RGS18: variants seen among roughly 807,000 people sequenced by gnomAD.
The protein encoded by RGS18 is regulator of G-protein signaling 18.
RGS18 carries 22 observed loss-of-function variants against 27.6 expected under a neutral mutation model. The observed-to-expected ratio is 0.80, with a 90% CI of 0.57 to 1.14. The LOEUF is 1.14. Ranked by LOEUF, RGS18 falls within the 50% of genes most tolerant of loss-of-function variation. RGS18 has a pLI of 0.00. For missense variants in RGS18, 299 were observed against 269.6 expected (o/e 1.11, Z -0.76); for synonymous variants, 89 against 84.6 (o/e 1.05, Z -0.29).
At chr1:192,169,129 T>C (rs918002898) in intron 3 of RGS18, 4 of 152,224 alleles carry the variant, frequency 2.6e-5, no homozygotes, top group Admixed American at 6.5e-5. Context: ...ATTTCAGCTA[T>C]CTGGCTTCTG....
At chr1:192,175,786 G>T (rs1656348425) in intron 3 of RGS18, among the ~76,000 whole-genome samples, 5 of 151,810 alleles carry the variant, frequency 3.3e-5, no homozygotes, top group Admixed American at 3.3e-4. Flanking sequence ...CTCTGCACTG[G>T]TTACCAATTA....
At chr1:192,176,069 T>TAAAAAA (rs1656353067) in intron 3 of RGS18, among the ~76,000 whole-genome samples, 1 of 151,772 alleles carries the variant, frequency 6.6e-6, no homozygotes, top group Non-Finnish European at 1.5e-5. Context: ...GGAATACAGG[T>TAAAAAA]ATCCCTGGGC....
Position 192,183,174 on chromosome 1 carries a change from A to T in RGS18, c.451-1123A>T, listed in dbSNP as rs546736878. 2.0e-5 allele frequency among the ~76,000 whole-genome samples: 3 copies of T among 151,724 alleles called. No individual in the cohort carries two copies. The South Asian group carries it at 6.2e-4, about 31-fold the overall frequency. On this transcript the variant is annotated intron_variant, in intron 4 of 4. Transcript: ENST00000367460. ...TACATAGTTTTTTTTATAAAAAGGC[A>T]GCTAGTTGTATTGTGTTATGGACAA...
chr1:192,172,278 T>C (rs970078339), intron 3 of RGS18, among the ~76,000 whole-genome samples: 1 of 151,910 alleles, frequency 6.6e-6, no homozygotes, highest in East Asian at 1.9e-4. Flanking sequence ...AATAGTGAGT[T>C]TTCACTCTTG....
chr1:192,181,187 G>A, intron 3 of RGS18, 105 bp from the exon 4 acceptor site: 1 of 610,860 alleles, frequency 1.6e-6, no homozygotes, highest in Non-Finnish European at 2.7e-6. Flanking sequence ...TTAGAGGGAA[G>A]ATGTAGGTTT....
chr1:192,169,066 G>A (rs1410452380), intron 3 of RGS18: 2 of 152,080 alleles, frequency 1.3e-5, no homozygotes. Flanking sequence ...TTCAGACTAA[G>A]TTATTTTTAA....
chr1:192,181,589 A>G, intron 4 of RGS18, 131 bp downstream of exon 4: 1 of 587,538 alleles, frequency 1.7e-6, no homozygotes, highest in Non-Finnish European at 2.8e-6. Flanking sequence ...TGTAATAATT[A>G]CACATGTTAA....
At chr1:192,159,617 G>A (rs1212215632) in intron 2 of RGS18, among the ~76,000 whole-genome samples, 1 of 152,052 alleles carries the variant, frequency 6.6e-6, no homozygotes, top group Admixed American at 6.6e-5. Context: ...ATTAATTTAA[G>A]AGTTTTCACA....
chr1:192,179,822 G>A (rs992589930), intron 3 of RGS18, among the ~76,000 whole-genome samples: 1 of 151,530 alleles, frequency 6.6e-6, no homozygotes, highest in African/African-American at 2.4e-5. Context: ...GTGGGGAGAT[G>A]TAAATGTGGC....
chr1:192,177,796 C>T (rs1035756236), intron 3 of RGS18, among the ~76,000 whole-genome samples: 12 of 151,618 alleles, frequency 7.9e-5, no homozygotes, highest in Non-Finnish European at 1.5e-4. Flanking sequence ...ACATGGCACA[C>T]GAATGGAACT....
intron 3 of RGS18, chr1:192,163,298 A>G (rs1286345583): frequency 6.6e-6 from 1 of 152,184 alleles, no homozygotes; most frequent in East Asian, 1.9e-4. Context: ...CAACTGGATG[A>G]TGATCAATTA....
intron 3 of RGS18, among the ~76,000 whole-genome samples, chr1:192,161,758 A>T (rs1206202646): frequency 6.6e-6 from 1 of 152,200 alleles, no homozygotes; most frequent in African/African-American, 2.4e-5. Flanking sequence ...GGAAGAAAGG[A>T]TTCCTGTTGC....
At chr1:192,181,921 T>C (rs1405918252) in intron 4 of RGS18, among the ~76,000 whole-genome samples, 1 of 151,670 alleles carries the variant, frequency 6.6e-6, no homozygotes, top group Admixed American at 6.6e-5. Flanking sequence ...CTTTATTAGA[T>C]TCCACATACA....
chr1:192,160,560 C>A, intron 3 of RGS18, 121 bp downstream of exon 3: 2 of 613,352 alleles, frequency 3.3e-6, no homozygotes, highest in Non-Finnish European at 5.9e-6. Context: ...TTCAGTAATT[C>A]AATTTTCTGA....
At chr1:192,180,183 G>T (rs1445880421) in intron 3 of RGS18, among the ~76,000 whole-genome samples, 2 of 151,582 alleles carry the variant, frequency 1.3e-5, no homozygotes, top group Admixed American at 1.3e-4. Flanking sequence ...TGTCATCTTA[G>T]TGAGCCTTAA....
At chr1:192,164,626 G>A (rs1256834131) in intron 3 of RGS18, among the ~76,000 whole-genome samples, 1 of 152,004 alleles carries the variant, frequency 6.6e-6, no homozygotes, top group Non-Finnish European at 1.5e-5. Flanking sequence ...ATTGAATCGG[G>A]GGCATATTAC....
intron 3 of RGS18, among the ~76,000 whole-genome samples, chr1:192,175,871 T>C (rs944353407): frequency 6.6e-6 from 1 of 151,884 alleles, no homozygotes; most frequent in Non-Finnish European, 1.5e-5. Context: ...TACAACTAGT[T>C]AAGCAAAGCA....
chr1:192,167,258 C>G (rs1656177697), intron 3 of RGS18, among the ~76,000 whole-genome samples: 1 of 152,168 alleles, frequency 6.6e-6, no homozygotes, highest in East Asian at 1.9e-4. Context: ...GCATACTTCA[C>G]TTTTGGGGGA....
intron 3 of RGS18, among the ~76,000 whole-genome samples, chr1:192,177,477 C>T (rs1419159157): frequency 6.6e-6 from 1 of 151,224 alleles, no homozygotes; most frequent in Non-Finnish European, 1.5e-5. Context: ...ATGTTGGGTA[C>T]TGGAAATTTG....
Sources: allele counts gnomAD v4.1 joint callset (sites outside exome capture counted in the v4.1 genomes callset), GRCh38; gene constraint gnomAD v4.1.1; transcripts MANE v1.5; gene names NCBI Gene and HGNC (gene_info 2026-07-23, HGNC 2026-07-21).